Variants in SIK3 observed in about 807,000 individuals in gnomAD.
The protein encoded by SIK3 is serine/threonine-protein kinase SIK3.
SIK3 carries 28 observed loss-of-function variants against 144.2 expected under a neutral mutation model. The ratio of observed to expected loss-of-function variants is 0.19; its 90% confidence interval spans 0.14 to 0.27. The LOEUF (loss-of-function observed/expected upper bound fraction) is 0.27, where lower values mean the gene tolerates loss of function less well. SIK3 is among the 10% of genes least tolerant of loss of function. The probability of loss-of-function intolerance (pLI) is 1.00; values close to 1 mark genes in which losing one functional copy is unlikely to be tolerated. For synonymous variants in SIK3, 686 were observed against 676.3 expected (o/e 1.01, Z -0.22); for missense variants, 1,319 against 1,776.0 (o/e 0.74, Z 4.62).
chr11:117,054,486 T>G (rs1953419850), intron 1 of SIK3, among the ~76,000 whole-genome samples: 1 of 152,178 alleles, frequency 6.6e-6, no homozygotes, highest in African/African-American at 2.4e-5. Context: ...CTGAGTGATA[T>G]GAGCAGATCT....
At chr11:116,996,430 G>A (rs1950668845) in intron 1 of SIK3, among the ~76,000 whole-genome samples, 1 of 152,074 alleles carries the variant, frequency 6.6e-6, no homozygotes, top group African/African-American at 2.4e-5. Context: ...CTTAAATATA[G>A]CTGCACTTTT....
Position 116,843,417 on chromosome 11 carries a change from T to C in SIK3, c.*2226A>G, listed in dbSNP as rs1394102103. 6.6e-6 allele frequency: 1 copy of C among 151,856 alleles called. No homozygotes were observed. Among genetic ancestry groups the C allele is most frequent in the Non-Finnish European group, 1.5e-5 (1 of 68,012 alleles). The allele number at this position is 151,856 out of a possible 1,614,324, so 9.4% of individuals were successfully genotyped here. On this transcript the variant is annotated 3_prime_UTR_variant, in exon 25 of 25. Transcript: ENST00000445177. Reference sequence around the variant, plus strand: ...ACAAAAGGTCTTAGCAACTTGAGTCTGGAGATTTTTTTTTTAATCCTTTTT... The same window carrying C: ...ACAAAAGGTCTTAGCAACTTGAGTCCGGAGATTTTTTTTTTAATCCTTTTT...
chr11:117,043,417 T>A (rs1425833609), intron 1 of SIK3, among the ~76,000 whole-genome samples: 1 of 152,090 alleles, frequency 6.6e-6, no homozygotes, highest in Non-Finnish European at 1.5e-5. Flanking sequence ...GTCTCCCCAC[T>A]CAATGAGGCT....
At chr11:116,988,863 A>C (rs1263070993) in intron 1 of SIK3, among the ~76,000 whole-genome samples, 1 of 151,252 alleles carries the variant, frequency 6.6e-6, no homozygotes, top group Non-Finnish European at 1.5e-5. Flanking sequence ...TATGGAGAGG[A>C]GTACAAAACT....
At chr11:116,907,759 G>C (rs1211520210) in intron 4 of SIK3, among the ~76,000 whole-genome samples, 1 of 152,146 alleles carries the variant, frequency 6.6e-6, no homozygotes, top group African/African-American at 2.4e-5. Flanking sequence ...GACACATAAT[G>C]CTTCAGGAAT....
intron 5 of SIK3, 89 bp from the exon 6 acceptor site, chr11:116,896,465 G>A: frequency 2.1e-6 from 3 of 1,400,954 alleles, no homozygotes; most frequent in Non-Finnish European, 2.0e-6. Flanking sequence ...ATGATGGTGA[G>A]TCATGCATAC....
At chr11:117,064,409 T>C (rs890757065) in intron 1 of SIK3, among the ~76,000 whole-genome samples, 1 of 152,226 alleles carries the variant, frequency 6.6e-6, no homozygotes, top group African/African-American at 2.4e-5. Flanking sequence ...TTCTTTGAGA[T>C]TGCTGACTCA....
chr11:116,884,276 C>T (rs1565407069), intron 6 of SIK3, among the ~76,000 whole-genome samples: 1 of 151,594 alleles, frequency 6.6e-6, no homozygotes, highest in Non-Finnish European at 1.5e-5. Flanking sequence ...AGCCTCGAAC[C>T]CCTGGGCTCA....
At chr11:116,977,202 C>T (rs1282485012) in intron 1 of SIK3, among the ~76,000 whole-genome samples, 1 of 149,912 alleles carries the variant, frequency 6.7e-6, no homozygotes, top group African/African-American at 2.5e-5. Context: ...CAAGGGAAAA[C>T]TTCTCTCTTC....
At position 116,862,334 on chromosome 11, in the gene SIK3, G is replaced by C; in HGVS notation, c.2104-7C>G. ...TCTGCAGCTGCTCACACTCCTGAAG[G>C]GAAAGTAGTTAATACAGATGGGATG... is the stretch of plus-strand genomic sequence containing the variant. On this transcript the variant is annotated splice_region_variant and splice_polypyrimidine_tract_variant and intron_variant, in intron 16 of 24. Transcript: ENST00000445177. 6.2e-7 allele frequency: 1 copy of C among 1,613,996 alleles called. No individual in the cohort carries two copies. The highest frequency in any genetic ancestry group is 2.2e-5 in the East Asian group (1 of 44,874).
At position 116,846,655 on chromosome 11, in the gene SIK3, C is replaced by T; in HGVS notation, c.3953-102G>A. ...ATTGAAGGCAACCTGTCGAGCATCC[C>T]ACAGCCTGACTCCCAGCCCTGAATT... is the stretch of plus-strand genomic sequence containing the variant. On this transcript the variant is annotated intron_variant, in intron 23 of 24. Coordinates refer to ENST00000445177, the MANE Select transcript of SIK3 (RefSeq NM_001366686.3). The surrounding 1 kb of genome is among the most constrained non-coding windows in gnomAD (Gnocchi z 4.1). 5 of 1,320,176 alleles carry T rather than the reference C, an allele frequency of 3.8e-6. No individual in the cohort carries two copies. Among genetic ancestry groups the T allele is most frequent in the Non-Finnish European group, 5.3e-6 (5 of 944,656 alleles). 81.8% of individuals were successfully genotyped at this position (1,320,176 alleles called of 1,614,324 possible).
chr11:116,877,182 C>G, intron 6 of SIK3, 140 bp from the exon 7 acceptor site: 1 of 709,998 alleles, frequency 1.4e-6, no homozygotes, highest in East Asian at 2.6e-5. Context: ...TGATCCTTAC[C>G]TATTCTGTTG....
chr11:116,961,873 G>A (rs1287089463), intron 1 of SIK3, among the ~76,000 whole-genome samples: 2 of 151,910 alleles, frequency 1.3e-5, no homozygotes, highest in African/African-American at 4.8e-5. Context: ...TGTTTCAATT[G>A]GCATGTGGTA....
At position 116,867,565 on chromosome 11, in the gene SIK3, A is replaced by T. The variant is rs879838481; in HGVS notation, c.1952+381T>A. On this transcript the variant is annotated intron_variant, in intron 15 of 24. Transcript: ENST00000445177. The surrounding 1 kb of genome is among the most constrained non-coding windows in gnomAD (Gnocchi z 4.1). ...TGAAATGCTCATTCTTTTGAAGGTG[A>T]TGGATTATTAAAGGTCAAGTCTATC... The T allele has an allele frequency of 5.9e-6, 1 of 169,832 alleles. No individual in the cohort carries two copies. Among genetic ancestry groups the T allele is most frequent in the Non-Finnish European group, 1.3e-5 (1 of 79,876 alleles). 10.5% of individuals were successfully genotyped at this position (169,832 alleles called of 1,614,324 possible). A position where few individuals can be genotyped will look rare whatever the true frequency, so the allele number is the denominator to read the frequency against.
rs554743373 is a variant in SIK3, at chr11:116,900,870, T to A, written c.617-3553A>T. Among the ~76,000 whole-genome samples, 540 of 150,366 alleles carry A rather than the reference T, an allele frequency of 3.6e-3. 6 individuals are homozygous for A. Among genetic ancestry groups the A allele is most frequent in the Middle Eastern group, 3.4e-3 (1 of 290 alleles). The stretch of plus-strand genomic sequence containing the variant: ...CATATACATATATATTATTTATTTT[T>A]TTTTTTTTTTTGAGACAGAGTTTCA... On this transcript the variant is annotated intron_variant, in intron 4 of 24. Coordinates refer to ENST00000445177, the MANE Select transcript of SIK3 (RefSeq NM_001366686.3).
intron 1 of SIK3, among the ~76,000 whole-genome samples, chr11:117,035,380 C>G (rs916999942): frequency 1.3e-5 from 2 of 152,090 alleles, no homozygotes; most frequent in South Asian, 4.1e-4. Context: ...ATTAATGATT[C>G]TATCAATTCA....
At chr11:117,038,375 G>C (rs78335532) in intron 1 of SIK3, among the ~76,000 whole-genome samples, 1 of 90,168 alleles carries the variant, frequency 1.1e-5, no homozygotes, top group Admixed American at 1.2e-4. Context: ...TTTTTTTTTT[G>C]AGACAGAGTC....
intron 1 of SIK3, among the ~76,000 whole-genome samples, chr11:117,074,788 G>A (rs1954434411): frequency 6.6e-6 from 1 of 152,010 alleles, no homozygotes. Context: ...TTAGCCAGGT[G>A]TGGTGGCATG....
At chr11:116,869,453 G>A (rs1650911328) in intron 14 of SIK3, 1 of 152,240 alleles carries the variant, frequency 6.6e-6, no homozygotes, top group Non-Finnish European at 1.5e-5. Flanking sequence ...TCAGTGTTAT[G>A]TGAACTTGCC....
Sources: gnomAD v4.1 joint callset for allele counts (sites outside exome capture counted in the v4.1 genomes callset) on GRCh38, gnomAD v4.1.1 for gene constraint, Gnocchi (gnomAD v3.1) non-coding constraint, MANE v1.5 for transcripts, NCBI Gene and HGNC (gene_info 2026-07-23, HGNC 2026-07-21) for gene names.